LIFR: variants seen among roughly 807,000 people sequenced by gnomAD.
LIFR encodes leukemia inhibitory factor receptor.
Under a neutral mutation model 122.2 loss-of-function variants are expected in LIFR, and 84 were observed. The observed-to-expected ratio is 0.69, with a 90% CI of 0.58 to 0.82. The LOEUF (loss-of-function observed/expected upper bound fraction) is 0.82, where lower values mean the gene tolerates loss of function less well. Among genes scored for constraint, LIFR ranks in the 40% least tolerant of loss-of-function variants. The pLI is 0.00. For synonymous variants in LIFR, 422 were observed against 434.7 expected (o/e 0.97, Z 0.36); for missense variants, 1,294 against 1,311.6 (o/e 0.99, Z 0.21).
At chr5:38,597,093 A>G (rs533081575), upstream of LIFR, among the ~76,000 whole-genome samples, 5 of 152,316 alleles carry the variant, frequency 3.3e-5, no homozygotes, top group East Asian at 9.7e-4. Context: ...GAAGGAAGGG[A>G]TGGAAGTATT....
chr5:38,563,046 A>G lies in LIFR; in HGVS notation c.-20+32215T>C, dbSNP rs542307054. On this transcript the variant is annotated intron_variant, in intron 1 of 19. Coordinates refer to the LIFR transcript ENST00000263409. The stretch of plus-strand genomic sequence containing the variant: ...TGGCCATCACTATGGCAGCTCTGGC[A>G]AACAGGGACATTTCTGTGGATGGTG... Among the ~76,000 whole-genome samples, 3 of 152,330 alleles carry G rather than the reference A, an allele frequency of 2.0e-5. No homozygotes were observed. In the South Asian group the frequency reaches 6.2e-4, roughly 32 times the overall value.
intron 4 of LIFR, 24 bp from the exon 5 acceptor site, chr5:38,523,606 G>C (rs767109030): frequency 2.5e-6 from 4 of 1,581,022 alleles, no homozygotes; most frequent in Non-Finnish European, 3.5e-6. Flanking sequence ...AAACAAAAGA[G>C]AAAACTTAGT....
Position 38,510,480 on chromosome 5 carries a change from G to A in LIFR, c.975C>T (p.Thr325=), listed in dbSNP as rs756215187. 29 of 1,611,764 alleles carry A rather than the reference G, an allele frequency of 1.8e-5. No individual in the cohort carries two copies. Among genetic ancestry groups the A allele is most frequent in the South Asian group, 1.4e-4 (13 of 91,044 alleles). The change falls in exon 7 of 20, where the codon ACC becomes ACT. Residue 325 remains threonine (T), a synonymous_variant. Coordinates refer to ENST00000453190, the MANE Select transcript of LIFR (RefSeq NM_001127671.2). ...TATACTTACATCCAGCAAAAATAAC[G>A]GTTCCAAATATGTTATCTTCGGTTG... is the stretch of plus-strand genomic sequence containing the variant. ...VFTTEDNIFG[T]VIFAGYPPDT...
intron 5 of LIFR, among the ~76,000 whole-genome samples, chr5:38,513,809 T>A (rs1045059059): frequency 2.0e-5 from 3 of 151,698 alleles, no homozygotes; most frequent in Non-Finnish European, 2.9e-5. Flanking sequence ...CCAATTAGAT[T>A]AAAAAAAAAT....
intron 1 of LIFR, among the ~76,000 whole-genome samples, chr5:38,584,216 TAGAGA>T (rs1749677300): frequency 1.3e-5 from 2 of 152,042 alleles, no homozygotes; most frequent in African/African-American, 4.8e-5. Context: ...GGTGAGATGG[TAGAGA>T]AAAGAGAATG....
chr5:38,510,679 T>G lies in LIFR; in HGVS notation c.776A>C (p.Lys259Thr). ...DSQTKVFPQD[K>T]VILVGSDITF... is the part of the protein sequence containing the mutation. ...TATGTCTGAGCCTACAAGTATCACT[T>G]TATCTTGAGGAAAAACCTTAGTCTG... Residue 259 changes from lysine (K) to threonine (T), a missense_variant, in exon 7 of 20, where the codon AAA becomes ACA. Physicochemically the swap from Lys to Thr is moderately conservative, Grantham distance 78. Coordinates refer to ENST00000453190, the MANE Select transcript of LIFR (RefSeq NM_001127671.2). 1 of 1,613,632 alleles carries G rather than the reference T, an allele frequency of 6.2e-7. No individual in the cohort carries two copies. The highest frequency in any genetic ancestry group is 1.1e-5 in the South Asian group (1 of 91,044).
chr5:38,482,603 T>G lies in LIFR; in HGVS notation c.2656A>C (p.Lys886Gln). Residue 886 changes from lysine (K) to glutamine (Q), a missense_variant, in exon 19 of 20, where the codon AAG (lysine) becomes CAG (glutamine). Coordinates refer to ENST00000453190, the MANE Select transcript of LIFR (RefSeq NM_001127671.2). ...TAAAAGATTACCTCACAGACACTCT[T>G]TTGAAACTGTAATGCTTTACAGTTT... ...PENCKALQFQKSVCEGSSALK... is the reference protein window; with the variant it reads ...PENCKALQFQQSVCEGSSALK... 6.7e-7 allele frequency: 1 copy of G among 1,490,656 alleles called. No homozygotes were observed. 92.3% of individuals were successfully genotyped at this position (1,490,656 alleles called of 1,614,324 possible). A position where few individuals can be genotyped will look rare whatever the true frequency, so the allele number is the denominator to read the frequency against.
chr5:38,559,599 A>T (rs965802000), upstream of LIFR, among the ~76,000 whole-genome samples: 1 of 152,224 alleles, frequency 6.6e-6, no homozygotes, highest in African/African-American at 2.4e-5. Flanking sequence ...ACAAGAACGT[A>T]CTTTGTTTGA....
intron 1 of LIFR, among the ~76,000 whole-genome samples, chr5:38,545,194 C>T (rs1007517491): frequency 3.3e-5 from 5 of 151,402 alleles, no homozygotes; most frequent in African/African-American, 9.7e-5. Context: ...CACTTGAACC[C>T]GGGAGGCGGA....
intron 12 of LIFR, among the ~76,000 whole-genome samples, chr5:38,497,131 G>A (rs1405271408): frequency 2.0e-5 from 3 of 152,112 alleles, no homozygotes; most frequent in Non-Finnish European, 4.4e-5. Context: ...ATGAAACCCT[G>A]TCTCTACTAA....
chr5:38,607,963 T>C lies in LIFR; in HGVS notation n.203+189A>G, dbSNP rs920038407. Reference sequence around the variant, plus strand: ...TGCATTTATTTAAAATATAGGATTGTCCATTAATTCTTTCTCTTGAGAGGG... The same window carrying C: ...TGCATTTATTTAAAATATAGGATTGCCCATTAATTCTTTCTCTTGAGAGGG... On this transcript the variant is annotated intron_variant and non_coding_transcript_variant, in intron 1 of 3. Transcript: ENST00000507786. The C allele has an allele frequency of 2.6e-5, 4 of 152,228 alleles. No individual in the cohort carries two copies. In the East Asian group the frequency reaches 7.7e-4, roughly 29 times the overall value. The allele number at this position is 152,228 out of a possible 1,614,324, so 9.4% of individuals were successfully genotyped here. A position where few individuals can be genotyped will look rare whatever the true frequency, so the allele number is the denominator to read the frequency against.
In LIFR at chr5:38,480,130, C is replaced by CA. The variant is rs560124949; in HGVS notation, c.*1464dup. 0.023 allele frequency: 5,082 copies of CA among 225,164 alleles called. 71 individuals are homozygous for CA. Among genetic ancestry groups the CA allele is most frequent in the Middle Eastern group, 0.047 (36 of 758 alleles). 13.9% of individuals were successfully genotyped at this position (225,164 alleles called of 1,614,324 possible). On this transcript the variant is annotated 3_prime_UTR_variant, in exon 20 of 20. Transcript: ENST00000453190. ...AGATGATAAAAAACAAACAAACAAC[C>CA]AAAAAAAACAAACAAAAAAGACATA...
chr5:38,581,518 T>A (rs1243009311), intron 1 of LIFR, among the ~76,000 whole-genome samples: 1 of 152,226 alleles, frequency 6.6e-6, no homozygotes, highest in African/African-American at 2.4e-5. Flanking sequence ...CAGCATCCCA[T>A]GTCTTGGAGG....
chr5:38,589,525 G>A (rs1327453064), intron 1 of LIFR, among the ~76,000 whole-genome samples: 3 of 151,998 alleles, frequency 2.0e-5, no homozygotes, highest in South Asian at 2.1e-4. Context: ...AGTGATTCTT[G>A]AAAATGCTAT....
intron 1 of LIFR, among the ~76,000 whole-genome samples, chr5:38,578,949 A>G (rs571551235): frequency 6.6e-6 from 1 of 152,274 alleles, no homozygotes; most frequent in Admixed American, 6.5e-5. Flanking sequence ...TTCCAAGAAC[A>G]CTTCCTCATT....
Position 38,489,181 on chromosome 5 carries a change from C to G in LIFR, c.2232G>C (p.Trp744Cys), listed in dbSNP as rs544206724. ...TAAGTTCTTCCACAGGAATGTCTTC[C>G]CATTTTACTAATATCGAATCTGCAG... ...DTSADSILVKWEDIPVEELRG... is the reference protein window; with the variant it reads ...DTSADSILVKCEDIPVEELRG... The change falls in exon 16 of 20, where the codon TGG (tryptophan) becomes TGC (cysteine). Residue 744 changes from tryptophan (W) to cysteine (C), a missense_variant. Coordinates refer to ENST00000453190, the MANE Select transcript of LIFR (RefSeq NM_001127671.2). 1.2e-6 allele frequency: 2 copies of G among 1,612,838 alleles called. No individual in the cohort carries two copies. Among genetic ancestry groups the G allele is most frequent in the East Asian group, 2.2e-5 (1 of 44,760 alleles).
chr5:38,512,319 C>A (rs900233560), intron 5 of LIFR, among the ~76,000 whole-genome samples: 8 of 151,974 alleles, frequency 5.3e-5, no homozygotes, highest in Non-Finnish European at 1.0e-4. Flanking sequence ...CATCTCTAAT[C>A]TAAAAATCTA....
upstream of LIFR, among the ~76,000 whole-genome samples, chr5:38,600,143 T>G (rs1398980624): frequency 1.3e-5 from 2 of 152,194 alleles, no homozygotes; most frequent in Non-Finnish European, 2.9e-5. Context: ...CAGAAAATCT[T>G]CTAATCTACC....
intron 5 of LIFR, among the ~76,000 whole-genome samples, chr5:38,517,898 A>G (rs1580093689): frequency 7.1e-6 from 1 of 140,834 alleles, no homozygotes; most frequent in Non-Finnish European, 1.5e-5. Context: ...GCTTTAAAAT[A>G]AGAAGTAGGC....
Sources: allele counts gnomAD v4.1 joint callset (sites outside exome capture counted in the v4.1 genomes callset), GRCh38; gene constraint gnomAD v4.1.1; transcripts MANE v1.5; gene names NCBI Gene and HGNC (gene_info 2026-07-23, HGNC 2026-07-21).